Variants in SRGAP3 observed in about 807,000 individuals in gnomAD.
SRGAP3 encodes SLIT-ROBO Rho GTPase activating protein 3.
SRGAP3 carries 39 observed loss-of-function variants against 121.1 expected under a neutral mutation model. The ratio of observed to expected loss-of-function variants is 0.32; its 90% CI spans 0.25 to 0.42. SRGAP3 has a LOEUF of 0.42. Ranked by LOEUF, SRGAP3 falls within the 10% of genes least tolerant of loss-of-function variation. The pLI is 1.00. For missense variants in SRGAP3, 1,213 were observed against 1,470.6 expected (o/e 0.82, Z 2.86); for synonymous variants, 601 against 570.0 (o/e 1.05, Z -0.77).
At chr3:9,106,015 T>C (rs965766976) in intron 2 of SRGAP3, among the ~76,000 whole-genome samples, 3 of 152,226 alleles carry the variant, frequency 2.0e-5, no homozygotes, top group African/African-American at 7.2e-5. Context: ...AAAAACAGAA[T>C]GGTTTTATGT....
intron 19 of SRGAP3, chr3:8,993,856 G>A (rs1295065922): frequency 5.8e-6 from 1 of 173,408 alleles, no homozygotes. Flanking sequence ...CAGACTTTTT[G>A]TGGTAGGACT....
chr3:9,024,127 G>A (rs1016805636), intron 14 of SRGAP3, among the ~76,000 whole-genome samples: 1 of 152,212 alleles, frequency 6.6e-6, no homozygotes, highest in Non-Finnish European at 1.5e-5. Flanking sequence ...ACAGCCAACA[G>A]GGGTAAACCA....
At chr3:9,251,297 C>A (rs1214523861), upstream of SRGAP3, among the ~76,000 whole-genome samples, 1 of 152,120 alleles carries the variant, frequency 6.6e-6, no homozygotes, top group Non-Finnish European at 1.5e-5. Flanking sequence ...GGCAGGAGGT[C>A]ACCAGTTCAG....
rs138332255 is a variant in SRGAP3, at chr3:9,259,561, G to A, written n.442+66449C>T. On this transcript the variant is annotated intron_variant and non_coding_transcript_variant, in intron 3 of 3. Coordinates refer to the SRGAP3 transcript ENST00000490889. ...TGGGCTCAAAGGATCTTCCTGCCTC[G>A]GCCTCCAAAATGTTGGGATTACAGG... is the stretch of plus-strand genomic sequence containing the variant. Among the ~76,000 whole-genome samples the A allele has an allele frequency of 4.6e-5, 7 of 152,200 alleles. No individual in the cohort carries two copies. The East Asian group carries it at 5.8e-4, about 13-fold the overall frequency.
At chr3:9,064,677 C>G in intron 4 of SRGAP3, 96 bp from the exon 5 acceptor site, 4 of 1,448,026 alleles carry the variant, frequency 2.8e-6, no homozygotes, top group African/African-American at 2.8e-5. Context: ...TACACTCTAG[C>G]TGGCCACTGC....
At chr3:9,026,792 C>G in intron 13 of SRGAP3, 143 bp downstream of exon 13, 1 of 882,428 alleles carries the variant, frequency 1.1e-6, no homozygotes, top group Non-Finnish European at 1.9e-6. Flanking sequence ...AGAAGAGCAG[C>G]TGCTGTGTGC....
intron 1 of SRGAP3, among the ~76,000 whole-genome samples, chr3:9,359,836 C>CA (rs2030702338): frequency 6.6e-6 from 1 of 152,224 alleles, no homozygotes; most frequent in Non-Finnish European, 1.5e-5. Context: ...AGATATAACA[C>CA]ACTTGTTTGT....
At chr3:9,216,435 G>A (rs556926127) in intron 1 of SRGAP3, among the ~76,000 whole-genome samples, 197 of 152,316 alleles carry the variant, frequency 1.3e-3, no homozygotes, top group African/African-American at 4.3e-3. Flanking sequence ...ACCCTGTGGA[G>A]CAGCCACAGC....
At chr3:9,281,545 A>T (rs1394018375) in intron 3 of SRGAP3, among the ~76,000 whole-genome samples, 1 of 94,872 alleles carries the variant, frequency 1.1e-5, no homozygotes, top group Admixed American at 8.8e-5. Flanking sequence ...ACTTACTTTT[A>T]TTATTATTAT....
intron 3 of SRGAP3, among the ~76,000 whole-genome samples, chr3:9,279,397 C>T (rs1954638840): frequency 6.6e-6 from 1 of 152,066 alleles, no homozygotes; most frequent in South Asian, 2.1e-4. Flanking sequence ...GAACATGAGC[C>T]CTGTGTCTAA....
upstream of SRGAP3, among the ~76,000 whole-genome samples, chr3:9,252,155 C>T (rs549342084): frequency 7.9e-5 from 12 of 152,232 alleles, no homozygotes; most frequent in African/African-American, 2.4e-4. Context: ...TCTGGGACCT[C>T]GCTCCTCTTC....
chr3:9,323,873 TAAAAG>T (rs1955475111), intron 3 of SRGAP3, among the ~76,000 whole-genome samples: 1 of 150,796 alleles, frequency 6.6e-6, no homozygotes, highest in Non-Finnish European at 1.5e-5. Flanking sequence ...TAAATTATGA[TAAAAG>T]AAAAACTTCA....
intron 1 of SRGAP3, among the ~76,000 whole-genome samples, chr3:9,332,456 A>G (rs956602541): frequency 2.0e-5 from 3 of 152,194 alleles, no homozygotes; most frequent in Non-Finnish European, 4.4e-5. Flanking sequence ...CCTAGTTCAC[A>G]GATCAAGCCC....
intron 3 of SRGAP3, among the ~76,000 whole-genome samples, chr3:9,093,552 C>G (rs1947844695): frequency 1.3e-5 from 2 of 151,728 alleles, no homozygotes; most frequent in Admixed American, 1.3e-4. Flanking sequence ...CACTCATCCA[C>G]TCATCCATCC....
chr3:9,285,102 G>T (rs984443570), intron 3 of SRGAP3, among the ~76,000 whole-genome samples: 1 of 152,150 alleles, frequency 6.6e-6, no homozygotes, highest in African/African-American at 2.4e-5. Flanking sequence ...GAGTGAAGAG[G>T]ACAAAATCCA....
Position 9,248,959 on chromosome 3 carries a change from C to T in SRGAP3, c.-8G>A, listed in dbSNP as rs1056308701. 2.5e-6 allele frequency: 4 copies of T among 1,614,078 alleles called. No individual in the cohort carries two copies. Among genetic ancestry groups the T allele is most frequent in the Middle Eastern group, 1.6e-4 (1 of 6,062 alleles). Reference sequence around the variant, plus strand: ...CTTAGTTTGAGATGACATCTTCTGACGTGGCCAAAGGAACTGACAGGCTGT... The same window carrying T: ...CTTAGTTTGAGATGACATCTTCTGATGTGGCCAAAGGAACTGACAGGCTGT... On this transcript the variant is annotated 5_prime_UTR_variant, in exon 1 of 22. Coordinates refer to ENST00000383836, the MANE Select transcript of SRGAP3 (RefSeq NM_014850.4).
chr3:9,014,310 G>C (rs539525658), intron 15 of SRGAP3: 2 of 206,856 alleles, frequency 9.7e-6, no homozygotes, highest in African/African-American at 2.3e-5. Context: ...GTTTAAGCTG[G>C]GTTTCTGTTA....
chr3:9,310,968 A>C (rs1955230570), intron 3 of SRGAP3, among the ~76,000 whole-genome samples: 1 of 152,006 alleles, frequency 6.6e-6, no homozygotes, highest in Non-Finnish European at 1.5e-5. Context: ...TCAGGAGTTT[A>C]AGACCAACCT....
At chr3:9,316,539 A>G (rs1038238879) in intron 3 of SRGAP3, among the ~76,000 whole-genome samples, 2 of 152,072 alleles carry the variant, frequency 1.3e-5, no homozygotes, top group Admixed American at 1.3e-4. Context: ...CATGCCTTGC[A>G]GTCCCAGCTA....
Sources: gnomAD v4.1 joint callset for allele counts (sites outside exome capture counted in the v4.1 genomes callset) on GRCh38, gnomAD v4.1.1 for gene constraint, MANE v1.5 for transcripts, NCBI Gene and HGNC (gene_info 2026-07-23, HGNC 2026-07-21) for gene names.